SGCZ: variants seen among roughly 807,000 people sequenced by gnomAD.
SGCZ encodes the protein zeta-sarcoglycan.
SGCZ carries 40 observed loss-of-function variants against 41.3 expected under a neutral mutation model. The observed-to-expected ratio is 0.97, with a 90% CI of 0.75 to 1.26. The LOEUF (loss-of-function observed/expected upper bound fraction) is 1.26, where lower values mean the gene tolerates loss of function less well. Ranked by LOEUF, SGCZ falls within the 50% of genes most tolerant of loss-of-function variation. The pLI is 0.00. For missense variants in SGCZ, 552 were observed against 369.8 expected, an observed-to-expected ratio of 1.49 and a Z score of -4.04; for synonymous variants, 206 against 137.5, an observed-to-expected ratio of 1.50 and a Z score of -3.49.
chr8:15,163,412 T>C (rs1379769854), intron 1 of SGCZ, among the ~76,000 whole-genome samples: 2 of 152,222 alleles, frequency 1.3e-5, no homozygotes, highest in African/African-American at 2.4e-5. Context: ...TTACGCTAAG[T>C]TGCATTTATA....
At chr8:15,195,890 ATTTTTTTTTTTTTT>A (rs10548247) in intron 1 of SGCZ, among the ~76,000 whole-genome samples, 2 of 73,160 alleles carry the variant, frequency 2.7e-5, no homozygotes, top group African/African-American at 1.1e-4. Context: ...TTAGGCTTCG[ATTTTTTTTTTTTTT>A]TTTTTTTTTT....
intron 1 of SGCZ, among the ~76,000 whole-genome samples, chr8:14,803,371 G>C (rs559878742): frequency 1.3e-5 from 2 of 152,062 alleles, no homozygotes; most frequent in Non-Finnish European, 2.9e-5. Flanking sequence ...GTGGGTGCGC[G>C]CACCATGCGC....
intron 1 of SGCZ, among the ~76,000 whole-genome samples, chr8:15,111,240 G>T (rs1807038354): frequency 6.6e-6 from 1 of 152,096 alleles, no homozygotes; most frequent in African/African-American, 2.4e-5. Flanking sequence ...ATTTCCTAGG[G>T]CTGGCTCAAT....
intron 2 of SGCZ, among the ~76,000 whole-genome samples, chr8:14,541,263 C>T (rs1803458108): frequency 6.6e-6 from 1 of 151,890 alleles, no homozygotes; most frequent in African/African-American, 2.4e-5. Flanking sequence ...TTAAGCTCTG[C>T]ATGCATTAGG....
intron 1 of SGCZ, among the ~76,000 whole-genome samples, chr8:14,643,969 G>A (rs1019289068): frequency 1.3e-4 from 13 of 99,940 alleles, no homozygotes; most frequent in African/African-American, 5.3e-4. Flanking sequence ...ACCAATACTT[G>A]TACAATTCTG....
At chr8:14,535,959 G>C (rs1803283915) in intron 2 of SGCZ, among the ~76,000 whole-genome samples, 1 of 151,746 alleles carries the variant, frequency 6.6e-6, no homozygotes, top group South Asian at 2.1e-4. Flanking sequence ...ATCTTACATA[G>C]TTTCAAAATA....
intron 6 of SGCZ, among the ~76,000 whole-genome samples, chr8:14,102,846 A>AACTT (rs1175560120): frequency 2.0e-5 from 3 of 152,210 alleles, no homozygotes; most frequent in Admixed American, 6.5e-5. Context: ...AATTTTTAAT[A>AACTT]ACTTACCAGT....
At chr8:14,828,313 A>G (rs1056496253) in intron 1 of SGCZ, among the ~76,000 whole-genome samples, 44 of 152,332 alleles carry the variant, frequency 2.9e-4, no homozygotes, top group African/African-American at 1.0e-3. Context: ...GAAAAAAGTT[A>G]TCTTATTTGT....
intron 1 of SGCZ, among the ~76,000 whole-genome samples, chr8:14,901,399 C>G (rs1246165300): frequency 6.6e-6 from 1 of 152,058 alleles, no homozygotes; most frequent in African/African-American, 2.4e-5. Context: ...TTGGACCTGG[C>G]CAATGTAGTG....
intron 4 of SGCZ, among the ~76,000 whole-genome samples, chr8:14,217,954 A>C (rs549524589): frequency 1.3e-5 from 2 of 152,032 alleles, no homozygotes; most frequent in African/African-American, 4.8e-5. Flanking sequence ...TTTAAAGTGC[A>C]AAATAGGAAA....
At chr8:14,742,919 C>G (rs1480317638) in intron 1 of SGCZ, among the ~76,000 whole-genome samples, 1 of 152,044 alleles carries the variant, frequency 6.6e-6, no homozygotes, top group Non-Finnish European at 1.5e-5. Context: ...GAACCAAGGA[C>G]CTAAAACCTT....
At chr8:14,597,881 T>A (rs1805464316) in intron 1 of SGCZ, among the ~76,000 whole-genome samples, 1 of 152,218 alleles carries the variant, frequency 6.6e-6, no homozygotes, top group South Asian at 2.1e-4. Flanking sequence ...TCTCTAGCTT[T>A]GTCCCTAAAG....
intron 3 of SGCZ, among the ~76,000 whole-genome samples, chr8:14,262,631 T>G (rs993784298): frequency 9.9e-5 from 15 of 151,818 alleles, no homozygotes; most frequent in African/African-American, 3.1e-4. Context: ...GCGCTCAAAA[T>G]ATTTTCTTAT....
At chr8:14,354,258 A>G (rs1417314771) in intron 2 of SGCZ, among the ~76,000 whole-genome samples, 2 of 151,988 alleles carry the variant, frequency 1.3e-5, no homozygotes, top group Non-Finnish European at 2.9e-5. Flanking sequence ...TCATTGAATG[A>G]CTGATTAGTC....
At chr8:14,142,242 A>T (rs1320169100) in intron 5 of SGCZ, among the ~76,000 whole-genome samples, 1 of 152,144 alleles carries the variant, frequency 6.6e-6, no homozygotes, top group Admixed American at 6.5e-5. Flanking sequence ...GGTGCAGCAC[A>T]CCAACATGGC....
chr8:14,116,452 G>A (rs1046893601), intron 5 of SGCZ, among the ~76,000 whole-genome samples: 5 of 152,126 alleles, frequency 3.3e-5, no homozygotes, highest in Admixed American at 3.3e-4. Flanking sequence ...CGTACACACA[G>A]CTTGCCTTAA....
chr8:14,386,341 T>C (rs962634600), intron 2 of SGCZ, among the ~76,000 whole-genome samples: 2 of 151,728 alleles, frequency 1.3e-5, no homozygotes, highest in African/African-American at 4.8e-5. Flanking sequence ...GAAAAGTCTA[T>C]GAAAGAGAAA....
At chr8:14,559,944 G>C (rs190320580) in intron 1 of SGCZ, among the ~76,000 whole-genome samples, 1 of 152,056 alleles carries the variant, frequency 6.6e-6, no homozygotes, top group Non-Finnish European at 1.5e-5. Flanking sequence ...ATTATGTTAT[G>C]TAACATAAGT....
chr8:14,455,562 G>A (rs551895002), intron 2 of SGCZ, among the ~76,000 whole-genome samples: 5 of 151,620 alleles, frequency 3.3e-5, no homozygotes, highest in South Asian at 4.2e-4. Context: ...TAGATAGATC[G>A]ATCTCCATTC....
Sources: allele counts gnomAD v4.1 joint callset (sites outside exome capture counted in the v4.1 genomes callset), GRCh38; gene constraint gnomAD v4.1.1; transcripts MANE v1.5; gene names NCBI Gene and HGNC (gene_info 2026-07-23, HGNC 2026-07-21).